Variants in PLXNC1 observed in about 807,000 individuals in gnomAD.
PLXNC1 encodes the protein plexin-C1.
Under a neutral mutation model 178.2 loss-of-function variants are expected in PLXNC1, and 75 were observed. The ratio of observed to expected loss-of-function variants is 0.42; its 90% CI spans 0.35 to 0.51. The LOEUF (loss-of-function observed/expected upper bound fraction) is 0.51, where lower values mean the gene tolerates loss of function less well. Among genes scored for constraint, PLXNC1 ranks in the 20% least tolerant of loss-of-function variants. PLXNC1 has a pLI of 0.02. For synonymous variants in PLXNC1, 790 were observed against 779.9 expected (o/e 1.01, Z -0.22); for missense variants, 1,503 against 1,984.4 (o/e 0.76, Z 4.61).
intron 1 of PLXNC1, among the ~76,000 whole-genome samples, chr12:94,152,159 G>A (rs1218175128): frequency 6.6e-6 from 1 of 152,152 alleles, no homozygotes; most frequent in East Asian, 1.9e-4. Context: ...GCATGTCATG[G>A]CTGCACAGGT....
chr12:94,177,821 G>A (rs1962159340), intron 2 of PLXNC1, among the ~76,000 whole-genome samples: 1 of 152,202 alleles, frequency 6.6e-6, no homozygotes, highest in South Asian at 2.1e-4. Flanking sequence ...TAAAATGGAT[G>A]AGTGGTGGTG....
At chr12:94,265,743 CATAG>C (rs1205791468) in intron 21 of PLXNC1, among the ~76,000 whole-genome samples, 7 of 152,162 alleles carry the variant, frequency 4.6e-5, no homozygotes, top group Non-Finnish European at 1.0e-4. Flanking sequence ...ACTGTGATCT[CATAG>C]ATATTTTTAG....
At chr12:94,178,969 G>A (rs1376740927) in intron 2 of PLXNC1, among the ~76,000 whole-genome samples, 1 of 152,160 alleles carries the variant, frequency 6.6e-6, no homozygotes, top group Non-Finnish European at 1.5e-5. Flanking sequence ...AGCTGCTGCT[G>A]AATTTGATGA....
rs1454552932 is a variant in PLXNC1, at chr12:94,307,446, G to GCAAA, written c.*2165_*2168dup. ...TAAACAGCAACCAGAGCAACAAATG[G>GCAAA]CAAACAATTTCTATTTTCAAGTTTC... On this transcript the variant is annotated 3_prime_UTR_variant, in exon 31 of 31. Transcript: ENST00000258526. The GCAAA allele has an allele frequency of 2.0e-5, 3 of 152,168 alleles. No homozygotes were observed. The highest frequency in any genetic ancestry group is 6.5e-5 in the Admixed American group (1 of 15,270). 9.4% of individuals were successfully genotyped at this position (152,168 alleles called of 1,614,324 possible).
At position 94,300,079 on chromosome 12, in the gene PLXNC1, G is replaced by A. The variant is rs141321659; in HGVS notation, c.4239-831G>A. Among the ~76,000 whole-genome samples, 142 of 152,312 alleles carry A rather than the reference G, an allele frequency of 9.3e-4. 1 individual carries two copies. Among genetic ancestry groups the A allele is most frequent in the East Asian group, 5.0e-3 (26 of 5,188 alleles). ...TTGAACCAGTCCCAAGTTCATGTTC[G>A]GGTATTTGAGTACCTACTATGGGCC... On this transcript the variant is annotated intron_variant, in intron 27 of 30. Transcript: ENST00000258526.
At chr12:94,274,590 CA>C (rs1021947844) in intron 21 of PLXNC1, among the ~76,000 whole-genome samples, 5 of 152,210 alleles carry the variant, frequency 3.3e-5, no homozygotes, top group African/African-American at 1.2e-4. Context: ...TCCCTCTAAA[CA>C]GAGGGCAGAT....
chr12:94,148,759 C>G lies in PLXNC1; in HGVS notation c.-213C>G, dbSNP rs921044900. 6.6e-6 allele frequency: 1 copy of G among 151,584 alleles called. No homozygotes were observed. Among genetic ancestry groups the G allele is most frequent in the Non-Finnish European group, 1.5e-5 (1 of 67,684 alleles). 9.4% of individuals were successfully genotyped at this position (151,584 alleles called of 1,614,324 possible). A position where few individuals can be genotyped will look rare whatever the true frequency, so the allele number is the denominator to read the frequency against. ...ACGGTGCCGGAGCGCGCAGGGCTTG[C>G]TGCCGCCACCGCCGCTGCACAGGCT... On this transcript the variant is annotated 5_prime_UTR_variant, in exon 1 of 31. Transcript: ENST00000258526. The surrounding 1 kb of genome is among the most constrained non-coding windows in gnomAD (Gnocchi z 4.8).
Position 94,305,323 on chromosome 12 carries a change from A to G in PLXNC1, c.*38A>G. 7.5e-7 allele frequency: 1 copy of G among 1,329,094 alleles called. No homozygotes were observed. The highest frequency in any genetic ancestry group is 1.1e-6 in the Non-Finnish European group (1 of 935,758). 82.3% of individuals were successfully genotyped at this position (1,329,094 alleles called of 1,614,324 possible). On this transcript the variant is annotated 3_prime_UTR_variant, in exon 31 of 31. Transcript: ENST00000258526. Reference sequence around the variant, plus strand: ...CTGGCTTAATCTGGCAAAGTTCTTCAGACGACTTGGGAGCAAAATGGCTGC... The same window carrying G: ...CTGGCTTAATCTGGCAAAGTTCTTCGGACGACTTGGGAGCAAAATGGCTGC...
chr12:94,181,663 A>T, intron 3 of PLXNC1, 83 bp downstream of exon 3: 1 of 1,201,038 alleles, frequency 8.3e-7, no homozygotes, highest in Non-Finnish European at 1.2e-6. Context: ...CAAAGCTTTT[A>T]CTTTGAACTA....
chr12:94,149,075 C>G lies in PLXNC1; in HGVS notation c.104C>G (p.Ala35Gly), dbSNP rs2135908806. 1 of 1,563,708 alleles carries G rather than the reference C, an allele frequency of 6.4e-7. No individual in the cohort carries two copies. The highest frequency in any genetic ancestry group is 8.6e-7 in the Non-Finnish European group (1 of 1,163,184). Residue 35 changes from alanine to glycine, a missense_variant, in exon 1 of 31, where the codon GCG becomes GGG. Coordinates refer to ENST00000258526, the MANE Select transcript of PLXNC1 (RefSeq NM_005761.3). ...GCACTGGCGGCTCCCGGCCGGGGCG[C>G]GGACGAGCCCGTGTGGCGGTCGGAG... ...LLALAAPGRG[A>G]DEPVWRSEQA...
At position 94,306,489 on chromosome 12, in the gene PLXNC1, T is replaced by G. The variant is rs777208772; in HGVS notation, c.*1204T>G. 9 of 152,190 alleles carry G rather than the reference T, an allele frequency of 5.9e-5. No homozygotes were observed. Among genetic ancestry groups the G allele is most frequent in the Non-Finnish European group, 8.8e-5 (6 of 68,040 alleles). 9.4% of individuals were successfully genotyped at this position (152,190 alleles called of 1,614,324 possible). On this transcript the variant is annotated 3_prime_UTR_variant, in exon 31 of 31. Transcript: ENST00000258526. Reference sequence around the variant, plus strand: ...AGTGCTGATTTTTTAATTCCTGAATTTTTGCTGCTCATGACCAGTTTTAAT... The same window carrying G: ...AGTGCTGATTTTTTAATTCCTGAATGTTTGCTGCTCATGACCAGTTTTAAT...
intron 22 of PLXNC1, among the ~76,000 whole-genome samples, chr12:94,281,459 C>T (rs978913177): frequency 6.6e-6 from 1 of 152,128 alleles, no homozygotes; most frequent in Admixed American, 6.6e-5. Flanking sequence ...AAAGGACTCG[C>T]CATCCAAGGG....
chr12:94,304,134 C>T, intron 30 of PLXNC1, 83 bp downstream of exon 30: 1 of 878,572 alleles, frequency 1.1e-6, no homozygotes, highest in South Asian at 1.7e-5. Flanking sequence ...TTCAGAACAG[C>T]TCTGGCATCC....
chr12:94,286,090 G>A (rs934602309), intron 23 of PLXNC1, among the ~76,000 whole-genome samples: 3 of 152,174 alleles, frequency 2.0e-5, no homozygotes, highest in South Asian at 2.1e-4. Context: ...TGCAGACATC[G>A]GCCGTGCTAG....
chr12:94,185,230 T>C (rs1333124877), intron 3 of PLXNC1, among the ~76,000 whole-genome samples: 1 of 152,152 alleles, frequency 6.6e-6, no homozygotes, highest in Non-Finnish European at 1.5e-5. Flanking sequence ...GACTATGAAA[T>C]GGAAGGGCGT....
At chr12:94,285,024 C>CT (rs1966743698) in intron 23 of PLXNC1, among the ~76,000 whole-genome samples, 1 of 152,138 alleles carries the variant, frequency 6.6e-6, no homozygotes, top group East Asian at 1.9e-4. Flanking sequence ...GACACAGAGA[C>CT]ACACAAATGG....
chr12:94,305,238 C>T lies in PLXNC1; in HGVS notation c.4660C>T (p.His1554Tyr), dbSNP rs1968883319. ...GLEEAQKQLL[H>Y]VKVLFDEKKK... The stretch of plus-strand genomic sequence containing the variant: ...GGAAGAAGCTCAGAAACAACTCTTG[C>T]ATGTAAAAGTCTTATTTGATGAAAA... The change falls in exon 31 of 31, where the codon CAT becomes TAT. Residue 1554 changes from histidine to tyrosine, a missense_variant. By Grantham distance (83) the His-to-Tyr change is moderately conservative. Coordinates refer to ENST00000258526, the MANE Select transcript of PLXNC1 (RefSeq NM_005761.3). 6.2e-7 allele frequency: 1 copy of T among 1,611,222 alleles called. No individual in the cohort carries two copies. Among genetic ancestry groups the T allele is most frequent in the African/African-American group, 1.3e-5 (1 of 74,794 alleles).
At chr12:94,239,980 CTG>C (rs964353582) in intron 10 of PLXNC1, among the ~76,000 whole-genome samples, 1 of 152,198 alleles carries the variant, frequency 6.6e-6, no homozygotes, top group Non-Finnish European at 1.5e-5. Context: ...ATGAACCTCT[CTG>C]TAGCCATTCC....
intron 1 of PLXNC1, 118 bp from the exon 2 acceptor site, chr12:94,169,035 T>TG: frequency 1.1e-6 from 1 of 880,860 alleles, no homozygotes. Flanking sequence ...AGAATATATG[T>TG]GGGGCCCAGA....
Sources: allele counts gnomAD v4.1 joint callset (sites outside exome capture counted in the v4.1 genomes callset), GRCh38; gene constraint gnomAD v4.1.1; non-coding constraint Gnocchi (gnomAD v3.1); transcripts MANE v1.5; gene names NCBI Gene and HGNC (gene_info 2026-07-23, HGNC 2026-07-21).